MAPK6: variants seen among roughly 807,000 people sequenced by gnomAD.
The protein encoded by MAPK6 is ERK-3.
Under a neutral mutation model 59.3 loss-of-function variants are expected in MAPK6, and 19 were observed. The observed-to-expected ratio is 0.32, with a 90% CI of 0.22 to 0.47. The LOEUF (loss-of-function observed/expected upper bound fraction) is 0.47. Ranked by LOEUF, MAPK6 falls within the 20% of genes least tolerant of loss-of-function variation. MAPK6 has a pLI of 1.00. For synonymous variants in MAPK6, 316 were observed against 290.3 expected, an observed-to-expected ratio of 1.09 and a Z score of -0.90; for missense variants, 724 against 847.9, an observed-to-expected ratio of 0.85 and a Z score of 1.81.
intron 3 of MAPK6, among the ~76,000 whole-genome samples, chr15:52,010,345 A>G (rs2030017461): frequency 6.6e-6 from 1 of 151,474 alleles, no homozygotes; most frequent in Non-Finnish European, 1.5e-5. Flanking sequence ...CAGCCTCTCG[A>G]GTAGCTGAGA....
At chr15:52,016,343 C>G (rs1234096402), upstream of MAPK6, among the ~76,000 whole-genome samples, 2 of 151,252 alleles carry the variant, frequency 1.3e-5, no homozygotes, top group African/African-American at 4.9e-5. Flanking sequence ...GAGCCTAGAT[C>G]GTGCCACTAC....
Position 51,981,404 on chromosome 15 carries a change from G to A in MAPK6, c.-879-1802G>A, listed in dbSNP as rs184819273. ...AGGAGAATGGCATGAATGGGAGGCC[G>A]AAGCTTGCAGTGAGCCGAGATCGTG... is the stretch of plus-strand genomic sequence containing the variant. On this transcript the variant is annotated intron_variant, in intron 1 of 7. Coordinates refer to the MAPK6 transcript ENST00000691380. Among the ~76,000 whole-genome samples the A allele has an allele frequency of 3.7e-3, 563 of 151,010 alleles. 5 individuals carry two copies. The highest frequency in any genetic ancestry group is 0.013 in the African/African-American group (543 of 41,180).
chr15:52,017,862 G>A (rs934954203), upstream of MAPK6: 3 of 152,308 alleles, frequency 2.0e-5, no homozygotes, highest in African/African-American at 4.8e-5. Flanking sequence ...CTGAAGGTAC[G>A]AGCTCTCGTT....
At chr15:52,060,029 T>C (rs1283330443) in intron 4 of MAPK6, among the ~76,000 whole-genome samples, 1 of 152,178 alleles carries the variant, frequency 6.6e-6, no homozygotes, top group African/African-American at 2.4e-5. Context: ...CTACTCTGGT[T>C]AATTTCCCTC....
chr15:51,982,343 G>A (rs2057176893), intron 1 of MAPK6, among the ~76,000 whole-genome samples: 1 of 152,124 alleles, frequency 6.6e-6, no homozygotes, highest in Admixed American at 6.6e-5. Context: ...CACCCACAGA[G>A]GACTACCAAG....
intron 2 of MAPK6, among the ~76,000 whole-genome samples, chr15:52,002,220 C>T (rs2057244048): frequency 6.6e-6 from 1 of 152,174 alleles, no homozygotes; most frequent in African/African-American, 2.4e-5. Context: ...ATTACTATTT[C>T]TGCCATATAT....
At chr15:52,039,043 C>T (rs936715792) in intron 1 of MAPK6, among the ~76,000 whole-genome samples, 1 of 152,190 alleles carries the variant, frequency 6.6e-6, no homozygotes, top group Non-Finnish European at 1.5e-5. Flanking sequence ...GATGGAGTCT[C>T]CCTCTGTCCC....
chr15:52,049,331 G>A (rs59928056), intron 2 of MAPK6, among the ~76,000 whole-genome samples: 1,535 of 146,776 alleles, frequency 0.01, 33 homozygotes, highest in African/African-American at 0.037. Flanking sequence ...TGCTTTGAAT[G>A]TGTGGCCTAG....
At chr15:52,033,000 G>C (rs1376718466) in intron 1 of MAPK6, among the ~76,000 whole-genome samples, 2 of 151,710 alleles carry the variant, frequency 1.3e-5, no homozygotes, top group Non-Finnish European at 2.9e-5. Flanking sequence ...TTTTTTAATG[G>C]AGACAGGGTC....
At chr15:52,053,213 A>G (rs916450680) in intron 3 of MAPK6, among the ~76,000 whole-genome samples, 1 of 151,754 alleles carries the variant, frequency 6.6e-6, no homozygotes, top group Non-Finnish European at 1.5e-5. Context: ...AGCTGGGATT[A>G]CAAAGGCTTG....
rs1489059021 is a variant in MAPK6 at position 52,061,472 on chromosome 15, A to C, written c.1039A>C (p.Thr347Pro). 6.2e-7 allele frequency: 1 copy of C among 1,613,238 alleles called. No individual in the cohort carries two copies. ...TGATGATATTTTGCTTATGGATGAA[A>C]CTCACAGTCACATTTATAACTGGGA... Reference protein sequence around the residue: ...EVDDILLMDETHSHIYNWERY... With the variant: ...EVDDILLMDEPHSHIYNWERY... Residue 347 changes from threonine to proline, a missense_variant, in exon 5 of 6, where the codon ACT (threonine) becomes CCT (proline). Physicochemically the swap from Thr to Pro is conservative, Grantham distance 38. This residue lies in a region of MAPK6 where 502 missense variants were observed against 507.6 expected (regional missense o/e 0.99). Transcript: ENST00000261845.
At chr15:51,976,049 G>A (rs1057356644) in intron 1 of MAPK6, among the ~76,000 whole-genome samples, 2 of 151,718 alleles carry the variant, frequency 1.3e-5, no homozygotes, top group African/African-American at 2.4e-5. Context: ...GGCGGATCAC[G>A]AGGTCAGGAA....
chr15:52,025,748 A>T (rs981364527), intron 1 of MAPK6, among the ~76,000 whole-genome samples: 1 of 152,072 alleles, frequency 6.6e-6, no homozygotes, highest in African/African-American at 2.4e-5. Context: ...AGTGAGCGCC[A>T]CTGCACTCCA....
intron 1 of MAPK6, among the ~76,000 whole-genome samples, chr15:51,972,779 G>A (rs2057139801): frequency 6.6e-6 from 1 of 150,698 alleles, no homozygotes; most frequent in Non-Finnish European, 1.5e-5. Context: ...CCGAGATCGC[G>A]CCACTGCACT....
intron 1 of MAPK6, among the ~76,000 whole-genome samples, chr15:52,024,926 G>A (rs1017192804): frequency 2.6e-5 from 3 of 116,210 alleles, no homozygotes; most frequent in Non-Finnish European, 4.9e-5. Context: ...TCACTGTGTT[G>A]CCCATGCTCG....
intron 1 of MAPK6, among the ~76,000 whole-genome samples, chr15:51,982,690 T>A (rs1566893377): frequency 6.6e-6 from 1 of 151,958 alleles, no homozygotes; most frequent in African/African-American, 2.4e-5. Context: ...TAAAAAAAAA[T>A]AAAAAAGGTA....
At chr15:52,006,416 A>G (rs2057258848) in intron 3 of MAPK6, among the ~76,000 whole-genome samples, 1 of 152,230 alleles carries the variant, frequency 6.6e-6, no homozygotes, top group Non-Finnish European at 1.5e-5. Context: ...GTAGAATTAA[A>G]TAAGGGGAAA....
intron 1 of MAPK6, among the ~76,000 whole-genome samples, chr15:52,022,052 G>A (rs1031090565): frequency 3.9e-5 from 6 of 152,116 alleles, no homozygotes; most frequent in Non-Finnish European, 7.4e-5. Flanking sequence ...GGCTGGGTGC[G>A]TTGGCTCACA....
At position 52,046,149 on chromosome 15, in the gene MAPK6, A is replaced by G; in HGVS notation, c.-312A>G. On this transcript the variant is annotated 5_prime_UTR_variant, in exon 2 of 6. Transcript: ENST00000261845. Reference sequence around the variant, plus strand: ...GTTTAGCACGGTAATCTGAGTGCACAGTATGTCATTTCATTCCGTTTGAGT... The same window carrying G: ...GTTTAGCACGGTAATCTGAGTGCACGGTATGTCATTTCATTCCGTTTGAGT... The G allele has an allele frequency of 3.7e-6, 1 of 267,820 alleles. No individual in the cohort carries two copies. Among genetic ancestry groups the G allele is most frequent in the Admixed American group, 5.0e-5 (1 of 19,994 alleles). 16.6% of individuals were successfully genotyped at this position (267,820 alleles called of 1,614,324 possible).
Sources: allele counts gnomAD v4.1 joint callset (sites outside exome capture counted in the v4.1 genomes callset), GRCh38; gene constraint gnomAD v4.1.1; regional missense constraint gnomAD v4.1.1; transcripts MANE v1.5; gene names NCBI Gene and HGNC (gene_info 2026-07-23, HGNC 2026-07-21).